MYO5B: variants seen among roughly 807,000 people sequenced by gnomAD.
The protein encoded by MYO5B is unconventional myosin-Vb.
A neutral mutation model predicts 229.3 loss-of-function variants in MYO5B; 143 were observed. The observed-to-expected ratio is 0.62, with a 90% CI of 0.54 to 0.72. The LOEUF (loss-of-function observed/expected upper bound fraction) is 0.72. Among genes scored for constraint, MYO5B ranks in the 30% least tolerant of loss-of-function variants. The pLI, the probability that MYO5B is intolerant of heterozygous loss-of-function variation, is 0.00. For missense variants in MYO5B, 2,321 were observed against 2,331.0 expected, an observed-to-expected ratio of 1.00 and a Z score of 0.09; for synonymous variants, 918 against 885.2, an observed-to-expected ratio of 1.04 and a Z score of -0.66.
intron 33 of MYO5B, among the ~76,000 whole-genome samples, chr18:49,846,122 A>T (rs1284674944): frequency 6.6e-6 from 1 of 152,204 alleles, no homozygotes; most frequent in Admixed American, 6.5e-5. Flanking sequence ...ATTCAGCCAC[A>T]TGCCTGGATA....
intron 1 of MYO5B, among the ~76,000 whole-genome samples, chr18:50,143,475 T>C (rs2032449113): frequency 6.6e-6 from 1 of 151,924 alleles, no homozygotes. Context: ...TATTTAGGAG[T>C]TGTTGAACAG....
At chr18:49,936,458 A>G in intron 15 of MYO5B, 109 bp from the exon 16 acceptor site, 1 of 838,546 alleles carries the variant, frequency 1.2e-6, no homozygotes, top group Non-Finnish European at 2.0e-6. Context: ...TATATTATTA[A>G]TCCAGAAGGA....
At chr18:50,009,512 A>C (rs1451817548) in intron 4 of MYO5B, among the ~76,000 whole-genome samples, 3 of 152,226 alleles carry the variant, frequency 2.0e-5, no homozygotes, top group African/African-American at 7.2e-5. Flanking sequence ...TAGTGAGGGA[A>C]GTTAGATAGG....
In MYO5B at chr18:50,055,345, C is replaced by G. The variant is rs1337702122; in HGVS notation, c.61G>C (p.Val21Leu). ...TTGGTTAACTCAGCTGAGCGCCATACCTCATCAGGGTCAGGGATCCAGACC... is the reference window on the plus strand; with the variant it reads ...TTGGTTAACTCAGCTGAGCGCCATAGCTCATCAGGGTCAGGGATCCAGACC... Reference protein sequence around the residue: ...TRVWIPDPDEVWRSAELTKDY... With the variant: ...TRVWIPDPDELWRSAELTKDY... The change falls in exon 2 of 40, where the codon GTA becomes CTA. Residue 21 changes from valine to leucine, a missense_variant. This residue lies in a region of MYO5B where 2,113 missense variants were observed against 2,044.7 expected (regional missense o/e 1.03). Transcript: ENST00000285039. The G allele has an allele frequency of 6.2e-7, 1 of 1,611,956 alleles. No homozygotes were observed.
intron 1 of MYO5B, among the ~76,000 whole-genome samples, chr18:50,183,340 T>TATATATATA (rs2033103195): frequency 7.2e-6 from 1 of 139,072 alleles, no homozygotes; most frequent in Non-Finnish European, 1.5e-5. Context: ...TATATATATC[T>TATATATATA]CCTTCAATAC....
chr18:50,125,608 A>G (rs2032148969), intron 1 of MYO5B, among the ~76,000 whole-genome samples: 1 of 152,212 alleles, frequency 6.6e-6, no homozygotes, highest in African/African-American at 2.4e-5. Context: ...TTCAAATACT[A>G]GGTTATTCAA....
At chr18:49,991,159 C>G (rs2144310946) in intron 6 of MYO5B, among the ~76,000 whole-genome samples, 1 of 152,272 alleles carries the variant, frequency 6.6e-6, no homozygotes, top group East Asian at 1.9e-4. Context: ...AAGCTGCTTC[C>G]CTGGCTGTGG....
chr18:49,840,113 G>A (rs1055911440), intron 35 of MYO5B: 1 of 152,412 alleles, frequency 6.6e-6, no homozygotes, highest in African/African-American at 2.4e-5. Context: ...TTCAGCTCTT[G>A]ACCCAGAGAA....
chr18:50,051,751 T>C (rs918966354), intron 2 of MYO5B, among the ~76,000 whole-genome samples: 2 of 152,246 alleles, frequency 1.3e-5, no homozygotes, highest in Non-Finnish European at 2.9e-5. Flanking sequence ...TCTTACATTA[T>C]GCCAGGTGAA....
intron 9 of MYO5B, among the ~76,000 whole-genome samples, chr18:49,975,574 A>C (rs2025741276): frequency 6.6e-6 from 1 of 152,218 alleles, no homozygotes; most frequent in Non-Finnish European, 1.5e-5. Context: ...GTATGTAAAC[A>C]AAGTTCCTCA....
chr18:50,111,104 C>CA (rs1212903985), intron 1 of MYO5B, among the ~76,000 whole-genome samples: 2 of 151,746 alleles, frequency 1.3e-5, no homozygotes, highest in South Asian at 2.1e-4. Context: ...GGCAAATAGG[C>CA]AAAAAAAGAA....
intron 12 of MYO5B, 79 bp from the exon 13 acceptor site, chr18:49,954,514 C>G (rs2025469745): frequency 1.9e-6 from 3 of 1,583,840 alleles, no homozygotes; most frequent in Admixed American, 1.7e-5. Flanking sequence ...GGGATGGGAC[C>G]AGTAGGCTGG....
At chr18:50,104,288 A>G (rs868289583) in intron 1 of MYO5B, among the ~76,000 whole-genome samples, 5 of 144,754 alleles carry the variant, frequency 3.5e-5, no homozygotes, top group African/African-American at 1.3e-4. Context: ...ATATATATAT[A>G]TATCTCATAA....
At chr18:49,979,330 C>T (rs1346888127) in intron 9 of MYO5B, among the ~76,000 whole-genome samples, 1 of 152,242 alleles carries the variant, frequency 6.6e-6, no homozygotes, top group East Asian at 1.9e-4. Context: ...CTTCAAGGCT[C>T]TCACGAGGCT....
At chr18:49,984,874 C>T (rs2144300447) in intron 7 of MYO5B, 49 bp from the exon 8 acceptor site, 1 of 1,318,166 alleles carries the variant, frequency 7.6e-7, no homozygotes, top group East Asian at 2.3e-5. Flanking sequence ...GACACTTCAT[C>T]CCACAGATCG....
intron 2 of MYO5B, among the ~76,000 whole-genome samples, chr18:50,049,319 C>G (rs1052938091): frequency 6.6e-6 from 1 of 152,020 alleles, no homozygotes; most frequent in African/African-American, 2.4e-5. Context: ...AACAGTGATG[C>G]AAGTAATTAG....
chr18:50,031,339 CT>C (rs2026387354), intron 4 of MYO5B, among the ~76,000 whole-genome samples: 1 of 152,174 alleles, frequency 6.6e-6, no homozygotes, highest in Admixed American at 6.5e-5. Context: ...TGGGTCTGAA[CT>C]CCATCTGTAC....
At chr18:49,853,994 A>G (rs1246265924) in intron 30 of MYO5B, among the ~76,000 whole-genome samples, 1 of 152,248 alleles carries the variant, frequency 6.6e-6, no homozygotes, top group East Asian at 1.9e-4. Context: ...CTCTTAAAGC[A>G]TCTTTTAAAT....
intron 7 of MYO5B, among the ~76,000 whole-genome samples, chr18:49,986,783 G>C (rs1488617994): frequency 1.3e-5 from 2 of 152,148 alleles, no homozygotes; most frequent in Non-Finnish European, 2.9e-5. Flanking sequence ...CACCAAAGAA[G>C]ACTGTCTATA....
Sources: gnomAD v4.1 joint callset for allele counts (sites outside exome capture counted in the v4.1 genomes callset) on GRCh38, gnomAD v4.1.1 for gene constraint, gnomAD v4.1.1 regional missense constraint, MANE v1.5 for transcripts, NCBI Gene and HGNC (gene_info 2026-07-23, HGNC 2026-07-21) for gene names.